Variants in CDK5RAP2 observed in about 807,000 individuals in gnomAD.
The protein encoded by CDK5RAP2 is CDK5 regulatory subunit associated protein 2, also known as CDK5 regulatory subunit-associated protein 2.
Under a neutral mutation model 232.9 loss-of-function variants are expected in CDK5RAP2, and 147 were observed. That is an observed-to-expected ratio of 0.63 (90% CI 0.55 to 0.72). The LOEUF (loss-of-function observed/expected upper bound fraction) is 0.72. Among genes scored for constraint, CDK5RAP2 ranks in the 30% least tolerant of loss-of-function variants. The probability of loss-of-function intolerance (pLI) is 0.00; values close to 1 mark genes in which losing one functional copy is unlikely to be tolerated. For missense variants in CDK5RAP2, 2,195 were observed against 2,231.5 expected, an observed-to-expected ratio of 0.98 and a Z score of 0.33; for synonymous variants, 833 against 833.7, an observed-to-expected ratio of 1.00 and a Z score of 0.01.
At position 120,389,843 on chromosome 9, in the gene CDK5RAP2, T is replaced by G; in HGVS notation, c.5579-56A>C. 1.9e-6 allele frequency: 3 copies of G among 1,551,084 alleles called. No homozygotes were observed. The East Asian group carries it at 6.7e-5, about 35-fold the overall frequency. On this transcript the variant is annotated intron_variant, in intron 36 of 37. Coordinates refer to ENST00000349780, the MANE Select transcript of CDK5RAP2 (RefSeq NM_018249.6). Reference sequence around the variant, plus strand: ...GGGCCATGGATATCCAGGAGAGCTGTGTGAAAGCCAAGTGCAGGGAGGATG... The same window carrying G: ...GGGCCATGGATATCCAGGAGAGCTGGGTGAAAGCCAAGTGCAGGGAGGATG...
chr9:120,542,267 G>A (rs1049735930), intron 5 of CDK5RAP2, among the ~76,000 whole-genome samples: 5 of 152,210 alleles, frequency 3.3e-5, no homozygotes, highest in Non-Finnish European at 7.3e-5. Context: ...ACTTTGGGAG[G>A]CCAATGCAGG....
At chr9:120,507,643 G>A (rs1231889473) in intron 12 of CDK5RAP2, among the ~76,000 whole-genome samples, 2 of 151,908 alleles carry the variant, frequency 1.3e-5, no homozygotes, top group Non-Finnish European at 2.9e-5. Context: ...TAAGGAATCT[G>A]CAGAGCCCCC....
chr9:120,530,235 G>A (rs1397676192), intron 7 of CDK5RAP2, 95 bp from the exon 8 acceptor site: 1 of 860,366 alleles, frequency 1.2e-6, no homozygotes, highest in Non-Finnish European at 1.9e-6. Flanking sequence ...TATCTTCAAA[G>A]TAGACATATA....
chr9:120,515,532 A>G lies in CDK5RAP2; in HGVS notation c.1311+2895T>C, dbSNP rs570459445. Among the ~76,000 whole-genome samples, 4 of 152,368 alleles carry G rather than the reference A, an allele frequency of 2.6e-5. No individual in the cohort carries two copies. The South Asian group carries it at 6.2e-4, about 24-fold the overall frequency. On this transcript the variant is annotated intron_variant, in intron 12 of 37. Coordinates refer to ENST00000349780, the MANE Select transcript of CDK5RAP2 (RefSeq NM_018249.6). ...CTAAACCAGATACATTTTGTGTTCA[A>G]TAACACTGAATAAAGATGAGAAACA...
intron 1 of CDK5RAP2, among the ~76,000 whole-genome samples, chr9:120,577,498 A>G (rs886188820): frequency 7.9e-5 from 12 of 152,222 alleles, no homozygotes; most frequent in African/African-American, 2.9e-4. Context: ...ACGAAGATAG[A>G]TAGTGGTGAC....
chr9:120,493,447 C>T (rs1024454050), intron 12 of CDK5RAP2, among the ~76,000 whole-genome samples: 1 of 152,088 alleles, frequency 6.6e-6, no homozygotes, highest in Non-Finnish European at 1.5e-5. Context: ...TCTTTATAGA[C>T]GTATTCAGCT....
chr9:120,441,100 T>C (rs2131337071), intron 23 of CDK5RAP2, among the ~76,000 whole-genome samples: 1 of 152,340 alleles, frequency 6.6e-6, no homozygotes, highest in African/African-American at 2.4e-5. Flanking sequence ...CAGTTTCCCC[T>C]GTGTCTAAAA....
intron 34 of CDK5RAP2, among the ~76,000 whole-genome samples, chr9:120,401,327 CA>C (rs1475385746): frequency 3.9e-5 from 6 of 152,108 alleles, no homozygotes; most frequent in Middle Eastern, 3.4e-3. Context: ...GCTGGCAGAG[CA>C]AACTCAAATT....
At position 120,411,289 on chromosome 9, in the gene CDK5RAP2, G is replaced by A. The variant is rs1027278803; in HGVS notation, c.4414+69C>T. 27 of 944,766 alleles carry A rather than the reference G, an allele frequency of 2.9e-5. No individual in the cohort carries two copies. In the African/African-American group the frequency reaches 3.9e-4, roughly 13 times the overall value. 58.5% of individuals were successfully genotyped at this position (944,766 alleles called of 1,614,324 possible). On this transcript the variant is annotated intron_variant, in intron 29 of 37. Transcript: ENST00000349780. ...ATACTTAGGTTGGTCAGACTCCAAT[G>A]CCTGCATTCTTTCCATGACACAGAA... is the stretch of plus-strand genomic sequence containing the variant.
chr9:120,423,250 G>A (rs1041304494), intron 25 of CDK5RAP2, among the ~76,000 whole-genome samples: 5 of 151,940 alleles, frequency 3.3e-5, no homozygotes, highest in Admixed American at 6.6e-5. Context: ...TAATGTCTGC[G>A]CTAATATTCC....
intron 2 of CDK5RAP2, 99 bp downstream of exon 2, chr9:120,571,875 C>A: frequency 2.2e-6 from 2 of 924,480 alleles, no homozygotes; most frequent in South Asian, 1.3e-5. Flanking sequence ...TTCAGGGAAG[C>A]CTCTGGGCCC....
intron 1 of CDK5RAP2, among the ~76,000 whole-genome samples, chr9:120,576,986 A>G (rs1050574858): frequency 3.3e-5 from 5 of 152,244 alleles, no homozygotes; most frequent in Non-Finnish European, 7.3e-5. Flanking sequence ...CCTTGAGGAC[A>G]TAATGCTAAG....
At chr9:120,512,198 A>G (rs2040125300) in intron 12 of CDK5RAP2, among the ~76,000 whole-genome samples, 1 of 152,142 alleles carries the variant, frequency 6.6e-6, no homozygotes, top group Non-Finnish European at 1.5e-5. Flanking sequence ...AAATTTAACA[A>G]ATTAGCCAGG....
chr9:120,476,725 G>T (rs2038037019), intron 15 of CDK5RAP2, among the ~76,000 whole-genome samples: 1 of 151,546 alleles, frequency 6.6e-6, no homozygotes. Flanking sequence ...AGTCCCTGAG[G>T]CCAACCCTGT....
At chr9:120,515,953 T>C (rs1376922607) in intron 12 of CDK5RAP2, among the ~76,000 whole-genome samples, 1 of 152,190 alleles carries the variant, frequency 6.6e-6, no homozygotes, top group African/African-American at 2.4e-5. Flanking sequence ...TGGCAGTCAG[T>C]GTGGCGATTC....
In CDK5RAP2 at chr9:120,518,549, G is replaced by A. The variant is rs768689525; in HGVS notation, c.1189C>T (p.Leu397=). ...GTGATCTTCTTAATGCTTCTACGCA[G>A]TCTGTGGTTCTCTGTACTCTTGGTG... is the stretch of plus-strand genomic sequence containing the variant. ...NLTKSTENHR[L]RRSIKKITQE... is the part of the protein sequence containing the mutation. Residue 397 remains leucine, a synonymous_variant, in exon 12 of 38, where the codon CTG becomes TTG. Coordinates refer to ENST00000349780, the MANE Select transcript of CDK5RAP2 (RefSeq NM_018249.6). 1.2e-6 allele frequency: 2 copies of A among 1,613,750 alleles called. No homozygotes were observed. Among genetic ancestry groups the A allele is most frequent in the Non-Finnish European group, 1.7e-6 (2 of 1,179,990 alleles).
At chr9:120,459,002 C>T (rs540819238) in intron 19 of CDK5RAP2, among the ~76,000 whole-genome samples, 2 of 152,316 alleles carry the variant, frequency 1.3e-5, no homozygotes, top group Admixed American at 1.3e-4. Context: ...GAAATGTGTT[C>T]TCCCACCCTT....
chr9:120,494,942 G>T (rs1371699960), intron 12 of CDK5RAP2, among the ~76,000 whole-genome samples: 3 of 139,978 alleles, frequency 2.1e-5, no homozygotes, highest in Non-Finnish European at 4.6e-5. Flanking sequence ...ATATGAAGCG[G>T]AGCCGCTGCC....
At chr9:120,426,747 C>T (rs1687073653) in intron 25 of CDK5RAP2, among the ~76,000 whole-genome samples, 1 of 152,172 alleles carries the variant, frequency 6.6e-6, no homozygotes, top group Admixed American at 6.5e-5. Context: ...CAAAACATGT[C>T]AAAGAAATAT....
Sources: allele counts gnomAD v4.1 joint callset (sites outside exome capture counted in the v4.1 genomes callset), GRCh38; gene constraint gnomAD v4.1.1; transcripts MANE v1.5; gene names NCBI Gene and HGNC (gene_info 2026-07-23, HGNC 2026-07-21).